CRIM1: variants seen among roughly 807,000 people sequenced by gnomAD.
The protein encoded by CRIM1 is cysteine-rich motor neuron 1 protein.
In CRIM1, 32 loss-of-function variants were observed where a neutral mutation model predicts 116.4. That is an observed-to-expected ratio of 0.27 (90% CI 0.21 to 0.37). The LOEUF is 0.37. Among genes scored for constraint, CRIM1 ranks in the 10% least tolerant of loss-of-function variants. CRIM1 has a pLI of 1.00. For missense variants in CRIM1, 1,331 were observed against 1,354.8 expected (o/e 0.98, Z 0.28); for synonymous variants, 590 against 509.2 (o/e 1.16, Z -2.13).
In CRIM1 at chr2:36,357,817, C is replaced by G. The variant is rs775338021; in HGVS notation, c.331+1194C>G. Among the ~76,000 whole-genome samples, 26 of 152,058 alleles carry G rather than the reference C, an allele frequency of 1.7e-4. 1 individual carries two copies. The highest frequency in any genetic ancestry group is 3.2e-4 in the Non-Finnish European group (22 of 68,020). ...CTTCCTCACTACTCACAGCCAGCAC[C>G]GTCCAGGGAACGGTTTATTCCGAAG... On this transcript the variant is annotated intron_variant, in intron 1 of 16. Coordinates refer to ENST00000280527, the MANE Select transcript of CRIM1 (RefSeq NM_016441.3).
At chr2:36,381,799 C>G (rs1024956814) in intron 1 of CRIM1, among the ~76,000 whole-genome samples, 5 of 152,162 alleles carry the variant, frequency 3.3e-5, no homozygotes, top group Non-Finnish European at 7.4e-5. Context: ...AAAAAACCTT[C>G]CATGCCATTT....
chr2:36,374,859 ATG>A (rs963868610), intron 1 of CRIM1, among the ~76,000 whole-genome samples: 7 of 69,830 alleles, frequency 1.0e-4, no homozygotes, highest in African/African-American at 4.3e-4. Context: ...GTGGCTCTTG[ATG>A]TTTTTTTTTT....
intron 4 of CRIM1, among the ~76,000 whole-genome samples, chr2:36,455,869 A>C (rs749176443): frequency 6.6e-6 from 1 of 152,160 alleles, no homozygotes; most frequent in Non-Finnish European, 1.5e-5. Context: ...GGAAGGGATG[A>C]GTCCCAGAGC....
At chr2:36,426,524 G>A (rs575911997) in intron 2 of CRIM1, among the ~76,000 whole-genome samples, 1 of 152,222 alleles carries the variant, frequency 6.6e-6, no homozygotes, top group Non-Finnish European at 1.5e-5. Flanking sequence ...CTTGAATAGG[G>A]AAGATAGTGA....
intron 5 of CRIM1, among the ~76,000 whole-genome samples, chr2:36,473,178 C>T (rs551153486): frequency 4.1e-4 from 63 of 152,094 alleles, no homozygotes; most frequent in Non-Finnish European, 7.5e-4. Flanking sequence ...AATGCAAATG[C>T]AAATATCCTC....
At chr2:36,478,552 T>C (rs1052660867) in intron 6 of CRIM1, among the ~76,000 whole-genome samples, 2 of 152,238 alleles carry the variant, frequency 1.3e-5, no homozygotes, top group African/African-American at 4.8e-5. Context: ...ATTGGCCGCC[T>C]CCCTCTCTGG....
chr2:36,532,009 A>AG, intron 13 of CRIM1: 1 of 470,630 alleles, frequency 2.1e-6, no homozygotes, highest in South Asian at 1.6e-5. Context: ...GTATTCTTGC[A>AG]GAGACTTTGT....
intron 4 of CRIM1, among the ~76,000 whole-genome samples, chr2:36,454,376 A>G (rs1386702975): frequency 6.6e-6 from 1 of 152,096 alleles, no homozygotes; most frequent in Non-Finnish European, 1.5e-5. Context: ...CACCACACAC[A>G]AACACACACA....
chr2:36,525,759 C>A (rs1289796785), intron 13 of CRIM1, among the ~76,000 whole-genome samples: 2 of 152,080 alleles, frequency 1.3e-5, no homozygotes, highest in Admixed American at 1.3e-4. Context: ...CCTAATTAGT[C>A]AAATACAGAT....
At chr2:36,502,875 C>T (rs140311597) in intron 8 of CRIM1, among the ~76,000 whole-genome samples, 196 of 152,264 alleles carry the variant, frequency 1.3e-3, no homozygotes, top group African/African-American at 4.5e-3. Flanking sequence ...ATCATTCTTG[C>T]CTGAGATCTC....
In CRIM1 at chr2:36,479,521, C is replaced by T; in HGVS notation, c.1199C>T (p.Pro400Leu). 1 of 1,614,194 alleles carries T rather than the reference C, an allele frequency of 6.2e-7. No homozygotes were observed. Residue 400 changes from proline (P) to leucine (L), a missense_variant, in exon 7 of 17, where the codon CCC becomes CTC. Pro to Leu is a moderately conservative substitution (Grantham distance 98). Around this residue, in one of 3 missense-constraint regions of CRIM1, gnomAD observed 690 missense variants for 676.0 expected, o/e 1.02. Coordinates refer to ENST00000280527, the MANE Select transcript of CRIM1 (RefSeq NM_016441.3). ...CEDPVYPFNN[P>L]AGCYANGLIL... is the part of the protein sequence containing the mutation. Reference sequence around the variant, plus strand: ...GATCCAGTGTATCCTTTTAATAATCCCGCTGGCTGCTATGCCAATGGCCTG... The same window carrying T: ...GATCCAGTGTATCCTTTTAATAATCTCGCTGGCTGCTATGCCAATGGCCTG...
At chr2:36,388,939 A>G (rs561456237) in intron 1 of CRIM1, among the ~76,000 whole-genome samples, 2 of 152,370 alleles carry the variant, frequency 1.3e-5, no homozygotes, top group East Asian at 1.9e-4. Context: ...TCACTTGGAC[A>G]TAATACAAAT....
chr2:36,458,285 T>C (rs848510), intron 4 of CRIM1, among the ~76,000 whole-genome samples: 1 of 152,116 alleles, frequency 6.6e-6, no homozygotes, highest in East Asian at 1.9e-4. Flanking sequence ...GGAGGATACC[T>C]CTGGGGTGAC....
chr2:36,510,774 G>A (rs1225394040), intron 9 of CRIM1, among the ~76,000 whole-genome samples: 3 of 151,932 alleles, frequency 2.0e-5, no homozygotes, highest in Admixed American at 6.5e-5. Context: ...TGTTTCTTTC[G>A]TGTCTGTATA....
chr2:36,528,652 G>C (rs1572936231), intron 13 of CRIM1, among the ~76,000 whole-genome samples: 1 of 152,148 alleles, frequency 6.6e-6, no homozygotes, highest in East Asian at 1.9e-4. Context: ...AGTTACTGTG[G>C]ACCTACACGG....
intron 12 of CRIM1, among the ~76,000 whole-genome samples, chr2:36,518,207 A>G (rs1262425303): frequency 6.6e-6 from 1 of 152,242 alleles, no homozygotes; most frequent in Non-Finnish European, 1.5e-5. Context: ...CTGGTTTTAT[A>G]TAACTTTAGT....
At chr2:36,388,520 T>C (rs1671339650) in intron 1 of CRIM1, among the ~76,000 whole-genome samples, 1 of 152,212 alleles carries the variant, frequency 6.6e-6, no homozygotes, top group Non-Finnish European at 1.5e-5. Flanking sequence ...GGATTATCCA[T>C]TCTATGTCCT....
At chr2:36,509,859 C>T (rs1681692989) in intron 8 of CRIM1, 124 bp from the exon 9 acceptor site, 2 of 784,850 alleles carry the variant, frequency 2.5e-6, no homozygotes, top group Non-Finnish European at 4.1e-6. Flanking sequence ...ATAACCAGTG[C>T]CATGGTAGAG....
At chr2:36,419,562 C>T (rs916690872) in intron 2 of CRIM1, among the ~76,000 whole-genome samples, 4 of 152,180 alleles carry the variant, frequency 2.6e-5, no homozygotes, top group Non-Finnish European at 5.9e-5. Flanking sequence ...GTTCTTAGTA[C>T]ACAGCCCTTA....
Sources: allele counts gnomAD v4.1 joint callset (sites outside exome capture counted in the v4.1 genomes callset), GRCh38; gene constraint gnomAD v4.1.1; regional missense constraint gnomAD v4.1.1; transcripts MANE v1.5; gene names NCBI Gene and HGNC (gene_info 2026-07-23, HGNC 2026-07-21).